The following RTF2 variants were observed in gnomAD, a reference collection of about 807,000 sequenced individuals.
RTF2 encodes the protein replication termination factor 2, also known as UPF0549 protein C20orf43.
RTF2 carries 18 observed loss-of-function variants against 38.0 expected under a neutral mutation model. The observed-to-expected ratio is 0.47, with a 90% CI of 0.33 to 0.70. The LOEUF is 0.70. Ranked by LOEUF, RTF2 falls within the 30% of genes least tolerant of loss-of-function variation. The pLI, the probability that RTF2 is intolerant of heterozygous loss-of-function variation, is 0.02. For missense variants in RTF2, 311 were observed against 379.6 expected, an observed-to-expected ratio of 0.82 and a Z score of 1.50; for synonymous variants, 126 against 137.1, an observed-to-expected ratio of 0.92 and a Z score of 0.57.
At chr20:56,474,854 T>C (rs1202561679) in intron 3 of RTF2, 83 bp downstream of exon 3, 3 of 812,456 alleles carry the variant, frequency 3.7e-6, no homozygotes, top group South Asian at 1.9e-5. Context: ...CCTTAAAGAC[T>C]GAACTCAGAA....
At chr20:56,473,491 C>T in intron 2 of RTF2, 96 bp downstream of exon 2, 2 of 860,248 alleles carry the variant, frequency 2.3e-6, no homozygotes, top group South Asian at 1.4e-5. Flanking sequence ...CGTGGATTAT[C>T]CCAAGCAAAT....
intron 5 of RTF2, among the ~76,000 whole-genome samples, chr20:56,488,530 A>C (rs1348752341): frequency 6.6e-6 from 1 of 152,200 alleles, no homozygotes; most frequent in African/African-American, 2.4e-5. Context: ...CCTGCTTTTC[A>C]TGGAGGGGGT....
chr20:56,484,237 A>C, intron 5 of RTF2, 48 bp downstream of exon 5: 1 of 1,462,098 alleles, frequency 6.8e-7, no homozygotes, highest in African/African-American at 1.4e-5. Flanking sequence ...AGCTGAGGAA[A>C]TCAGATGGTT....
chr20:56,477,094 T>C lies in RTF2; in HGVS notation c.368T>C (p.Val123Ala), dbSNP rs1289247434. ...DLQRARFICPVVGLEMNGRHR... is the reference protein window; with the variant it reads ...DLQRARFICPAVGLEMNGRHR... ...CAGCGGGCGCGTTTCATCTGCCCCG[T>C]TGTGGGCCTGGAGATGAACGGCCGA... is the stretch of plus-strand genomic sequence containing the variant. Residue 123 changes from valine (V) to alanine (A), a missense_variant, in exon 4 of 9, where the codon GTT becomes GCT. Transcript: ENST00000357348. 3 of 1,613,846 alleles carry C rather than the reference T, an allele frequency of 1.9e-6. No individual in the cohort carries two copies. Among genetic ancestry groups the C allele is most frequent in the Non-Finnish European group, 1.7e-6 (2 of 1,179,936 alleles).
intron 3 of RTF2, 93 bp from the exon 4 acceptor site, chr20:56,476,892 G>A: frequency 1.6e-6 from 2 of 1,238,860 alleles, no homozygotes; most frequent in Non-Finnish European, 2.3e-6. Context: ...TTGATGGGAA[G>A]GGCTGGAATA....
chr20:56,506,991 C>T (rs1326901419), intron 5 of RTF2, among the ~76,000 whole-genome samples: 1 of 152,120 alleles, frequency 6.6e-6, no homozygotes, highest in Middle Eastern at 3.2e-3. Context: ...TGAGCCACCG[C>T]GCCTGGCCGT....
At chr20:56,506,653 A>G (rs1041096851) in intron 5 of RTF2, among the ~76,000 whole-genome samples, 39 of 152,154 alleles carry the variant, frequency 2.6e-4, no homozygotes, top group African/African-American at 9.4e-4. Context: ...AGCATTTTCT[A>G]CATTGCCCCA....
At chr20:56,489,728 T>A (rs573623732) in intron 5 of RTF2, among the ~76,000 whole-genome samples, 7 of 152,356 alleles carry the variant, frequency 4.6e-5, no homozygotes, top group African/African-American at 1.4e-4. Flanking sequence ...CGGGTTGACA[T>A]TGGAATGAAG....
intron 5 of RTF2, among the ~76,000 whole-genome samples, chr20:56,485,048 G>T (rs1255840413): frequency 6.6e-6 from 1 of 152,122 alleles, no homozygotes; most frequent in East Asian, 1.9e-4. Flanking sequence ...ATCCATGAAG[G>T]CCCTTGCCCT....
intron 1 of RTF2, among the ~76,000 whole-genome samples, chr20:56,472,743 G>T (rs1237621189): frequency 6.6e-6 from 1 of 151,816 alleles, no homozygotes; most frequent in Non-Finnish European, 1.5e-5. Flanking sequence ...TATGTGGCTT[G>T]CATAAACAGT....
intron 5 of RTF2, among the ~76,000 whole-genome samples, chr20:56,505,816 C>T (rs1034074501): frequency 1.6e-4 from 24 of 152,184 alleles, no homozygotes; most frequent in South Asian, 8.3e-4. Context: ...GGTAAATCGG[C>T]TTTATGTATA....
At chr20:56,470,748 C>A (rs373491750) in intron 1 of RTF2, 1 of 443,162 alleles carries the variant, frequency 2.3e-6, no homozygotes, top group Non-Finnish European at 4.6e-6. Flanking sequence ...ATCATGCCTA[C>A]GTGGTGGGGT....
chr20:56,486,241 A>G (rs554987504), intron 5 of RTF2, among the ~76,000 whole-genome samples: 1 of 152,330 alleles, frequency 6.6e-6, no homozygotes, highest in East Asian at 1.9e-4. Context: ...CTTTAAGCTC[A>G]GAGCTTTGGC....
At chr20:56,472,619 T>C (rs551459000) in intron 1 of RTF2, among the ~76,000 whole-genome samples, 1 of 152,314 alleles carries the variant, frequency 6.6e-6, no homozygotes, top group East Asian at 1.9e-4. Flanking sequence ...GTCTTTAAAT[T>C]CTGCCGCAAC....
chr20:56,515,307 C>G (rs1384505561), intron 6 of RTF2, among the ~76,000 whole-genome samples: 1 of 152,090 alleles, frequency 6.6e-6, no homozygotes, highest in African/African-American at 2.4e-5. Flanking sequence ...TGCCGTGGCT[C>G]ACACCTTTCA....
At chr20:56,469,743 G>T (rs1056349560) in intron 1 of RTF2, among the ~76,000 whole-genome samples, 1 of 151,912 alleles carries the variant, frequency 6.6e-6, no homozygotes, top group Admixed American at 6.6e-5. Flanking sequence ...ATAAAATCTC[G>T]TCAGACCCTT....
chr20:56,470,151 G>A (rs183917363), intron 1 of RTF2, among the ~76,000 whole-genome samples: 211 of 152,328 alleles, frequency 1.4e-3, no homozygotes, highest in Non-Finnish European at 1.9e-3. Context: ...AGAGGATGAA[G>A]TGTACCCTCT....
At chr20:56,479,228 G>GT (rs1303096515) in intron 4 of RTF2, among the ~76,000 whole-genome samples, 3 of 151,786 alleles carry the variant, frequency 2.0e-5, no homozygotes, top group Admixed American at 6.6e-5. Context: ...TTTGTTTTTT[G>GT]TTTTTTTGTT....
intron 1 of RTF2, 112 bp downstream of exon 1, chr20:56,468,878 G>A (rs1981818124): frequency 8.4e-6 from 7 of 837,754 alleles, no homozygotes; most frequent in Non-Finnish European, 1.1e-5. Context: ...CCTGGCTGCG[G>A]TCTTTTATTC....
Sources: gnomAD v4.1 joint callset for allele counts (sites outside exome capture counted in the v4.1 genomes callset) on GRCh38, gnomAD v4.1.1 for gene constraint, MANE v1.5 for transcripts, NCBI Gene and HGNC (gene_info 2026-07-23, HGNC 2026-07-21) for gene names.